The following EPHA6 variants were observed in gnomAD, a reference collection of about 807,000 sequenced individuals.
EPHA6 encodes the protein EPH receptor A6, also known as ephrin type-A receptor 6.
EPHA6 carries 50 observed loss-of-function variants against 112.0 expected under a neutral mutation model. That is an observed-to-expected ratio of 0.45 (90% CI 0.36 to 0.56). The LOEUF is 0.56. Ranked by LOEUF, EPHA6 falls within the 20% of genes least tolerant of loss-of-function variation. The pLI is 0.00. For missense variants in EPHA6, 1,280 were observed against 1,417.4 expected (o/e 0.90, Z 1.56); for synonymous variants, 529 against 490.7 (o/e 1.08, Z -1.03).
chr3:97,701,833 T>C (rs1440407125), intron 14 of EPHA6, among the ~76,000 whole-genome samples: 3 of 152,160 alleles, frequency 2.0e-5, no homozygotes, highest in Non-Finnish European at 4.4e-5. Context: ...ATGCAATCAA[T>C]TCCTTAAATC....
At chr3:97,316,899 C>A (rs1006809728) in intron 5 of EPHA6, among the ~76,000 whole-genome samples, 2 of 151,882 alleles carry the variant, frequency 1.3e-5, no homozygotes, top group East Asian at 3.9e-4. Context: ...TGTTAATTAG[C>A]TGTATGATCT....
intron 10 of EPHA6, among the ~76,000 whole-genome samples, chr3:97,507,375 G>C (rs2092274616): frequency 6.6e-6 from 1 of 152,166 alleles, no homozygotes; most frequent in Non-Finnish European, 1.5e-5. Flanking sequence ...TAGCATGAAG[G>C]AGTGTCGAAT....
At chr3:96,938,179 A>G (rs1388486219) in intron 2 of EPHA6, among the ~76,000 whole-genome samples, 1 of 152,052 alleles carries the variant, frequency 6.6e-6, no homozygotes, top group African/African-American at 2.4e-5. Flanking sequence ...ATGGCATTGA[A>G]TCTATAAATT....
intron 10 of EPHA6, among the ~76,000 whole-genome samples, chr3:97,490,213 G>A (rs2091805205): frequency 6.6e-6 from 1 of 152,030 alleles, no homozygotes; most frequent in Non-Finnish European, 1.5e-5. Context: ...AAATCTTAAT[G>A]AAGTATGACA....
At chr3:97,146,921 T>C (rs2076056628) in intron 3 of EPHA6, among the ~76,000 whole-genome samples, 1 of 151,120 alleles carries the variant, frequency 6.6e-6, no homozygotes, top group Non-Finnish European at 1.5e-5. Context: ...AATTGCTCTT[T>C]TAATTAAAAA....
At chr3:97,137,636 CA>C (rs1341804151) in intron 3 of EPHA6, among the ~76,000 whole-genome samples, 3 of 152,086 alleles carry the variant, frequency 2.0e-5, no homozygotes, top group Admixed American at 1.3e-4. Context: ...ATTAAGTTAG[CA>C]AAATCTTTAT....
intron 6 of EPHA6, among the ~76,000 whole-genome samples, chr3:97,442,387 A>G (rs1170212187): frequency 6.6e-6 from 1 of 152,138 alleles, no homozygotes; most frequent in Non-Finnish European, 1.5e-5. Context: ...GGAGTTCAAG[A>G]CCAGCCTGGC....
At position 97,234,365 on chromosome 3, in the gene EPHA6, T is replaced by C. The variant is rs562400899; in HGVS notation, c.1270+7946T>C. Among the ~76,000 whole-genome samples, 3 of 152,290 alleles carry C rather than the reference T, an allele frequency of 2.0e-5. No homozygotes were observed. In the East Asian group the frequency reaches 5.8e-4, roughly 29 times the overall value. On this transcript the variant is annotated intron_variant, in intron 4 of 17. Coordinates refer to ENST00000389672, the MANE Select transcript of EPHA6 (RefSeq NM_001080448.3). ...TTTTCTCTTCTCTAAAACAAATACC[T>C]TGGAAAAATCATCGTCATTGGCTAT...
At chr3:97,238,357 C>G (rs1559819264) in intron 4 of EPHA6, among the ~76,000 whole-genome samples, 1 of 151,868 alleles carries the variant, frequency 6.6e-6, no homozygotes. Flanking sequence ...CTTGAATTAT[C>G]TGCTTTACAA....
chr3:97,256,800 T>A (rs2079329458), intron 5 of EPHA6, among the ~76,000 whole-genome samples: 1 of 152,016 alleles, frequency 6.6e-6, no homozygotes, highest in Non-Finnish European at 1.5e-5. Flanking sequence ...AATGCAGTTG[T>A]TACATAAATA....
intron 4 of EPHA6, among the ~76,000 whole-genome samples, chr3:97,242,726 C>T (rs2078882356): frequency 6.6e-6 from 1 of 151,728 alleles, no homozygotes; most frequent in East Asian, 1.9e-4. Flanking sequence ...GAATTTATTT[C>T]TAGGAGCGAA....
At chr3:97,328,054 C>CATATATATATATATATATATAT (rs71286029) in intron 5 of EPHA6, among the ~76,000 whole-genome samples, 1 of 120,918 alleles carries the variant, frequency 8.3e-6, no homozygotes, top group African/African-American at 3.9e-5. Context: ...CATATATACA[C>CATATATATATATATATATATAT]ATATATATAT....
chr3:97,541,775 T>TG (rs2092857600), intron 11 of EPHA6, among the ~76,000 whole-genome samples: 2 of 150,862 alleles, frequency 1.3e-5, no homozygotes, highest in Admixed American at 1.3e-4. Flanking sequence ...TTGTTGTTGT[T>TG]TTTAATTTTT....
intron 5 of EPHA6, 97 bp from the exon 6 acceptor site, chr3:97,405,053 C>A: frequency 7.2e-7 from 1 of 1,393,244 alleles, no homozygotes; most frequent in Non-Finnish European, 9.7e-7. Flanking sequence ...TCCTCTTCAA[C>A]AAGAATTTTA....
chr3:97,482,553 C>T (rs2091582816), intron 9 of EPHA6, among the ~76,000 whole-genome samples: 1 of 152,132 alleles, frequency 6.6e-6, no homozygotes, highest in Admixed American at 6.5e-5. Flanking sequence ...TTCTCACGGT[C>T]CATATGCAGC....
At chr3:97,034,109 A>G (rs2044988003) in intron 3 of EPHA6, among the ~76,000 whole-genome samples, 1 of 151,996 alleles carries the variant, frequency 6.6e-6, no homozygotes, top group African/African-American at 2.4e-5. Context: ...ATATAACTTT[A>G]GGAACATGGG....
intron 5 of EPHA6, among the ~76,000 whole-genome samples, chr3:97,391,075 T>C (rs1271343737): frequency 6.6e-6 from 1 of 152,056 alleles, no homozygotes; most frequent in Non-Finnish European, 1.5e-5. Context: ...CATTTTGAAA[T>C]AACCTTTCCT....
intron 7 of EPHA6, among the ~76,000 whole-genome samples, chr3:97,451,264 T>C (rs1224927415): frequency 6.6e-6 from 1 of 151,986 alleles, no homozygotes; most frequent in East Asian, 1.9e-4. Context: ...TGCTGAGCAA[T>C]TTACACATAT....
intron 11 of EPHA6, among the ~76,000 whole-genome samples, chr3:97,592,297 A>G (rs1372563549): frequency 6.6e-6 from 1 of 152,248 alleles, no homozygotes; most frequent in African/African-American, 2.4e-5. Flanking sequence ...AATAAACAAC[A>G]TCAATGACTA....
Sources: gnomAD v4.1 joint callset for allele counts (sites outside exome capture counted in the v4.1 genomes callset) on GRCh38, gnomAD v4.1.1 for gene constraint, MANE v1.5 for transcripts, NCBI Gene and HGNC (gene_info 2026-07-23, HGNC 2026-07-21) for gene names.